MAST4: variants seen among roughly 807,000 people sequenced by gnomAD.
MAST4 encodes microtubule associated serine/threonine kinase family member 4.
Under a neutral mutation model 162.7 loss-of-function variants are expected in MAST4, and 89 were observed. The observed-to-expected ratio is 0.55, with a 90% confidence interval of 0.46 to 0.65. MAST4 has a LOEUF of 0.65. Among genes scored for constraint, MAST4 ranks in the 30% least tolerant of loss-of-function variants. The pLI, the probability that MAST4 is intolerant of heterozygous loss-of-function variation, is 0.00. For missense variants in MAST4, 3,153 were observed against 3,374.0 expected (o/e 0.93, Z 1.62); for synonymous variants, 1,479 against 1,361.1 (o/e 1.09, Z -1.91).
chr5:66,860,537 T>TA (rs564179227), intron 3 of MAST4, among the ~76,000 whole-genome samples: 19 of 152,100 alleles, frequency 1.2e-4, no homozygotes, highest in Non-Finnish European at 2.4e-4. Flanking sequence ...ACAGAAATCT[T>TA]ACAATGTTTC....
intron 4 of MAST4, chr5:66,917,113 C>T: frequency 1.4e-6 from 1 of 706,454 alleles, no homozygotes; most frequent in South Asian, 1.5e-5. Flanking sequence ...ACATTCTCAC[C>T]AGCACTGGAT....
At chr5:66,766,191 C>T (rs1355712978) in intron 2 of MAST4, among the ~76,000 whole-genome samples, 1 of 152,168 alleles carries the variant, frequency 6.6e-6, no homozygotes, top group Non-Finnish European at 1.5e-5. Flanking sequence ...AAATCCTTGT[C>T]CTGCATTCTA....
At chr5:66,947,255 T>C (rs1035601922) in intron 4 of MAST4, among the ~76,000 whole-genome samples, 1 of 152,148 alleles carries the variant, frequency 6.6e-6, no homozygotes, top group African/African-American at 2.4e-5. Flanking sequence ...ACTTTTATGG[T>C]CCCTGTAGGG....
chr5:66,873,475 ACCAGCTG>A (rs570951463), intron 3 of MAST4, among the ~76,000 whole-genome samples: 8 of 152,314 alleles, frequency 5.3e-5, no homozygotes, highest in African/African-American at 1.9e-4. Context: ...ATTACGGTAA[ACCAGCTG>A]CCAAATCTTT....
Position 67,144,531 on chromosome 5 carries a change from C to G in MAST4, c.2731-138C>G, listed in dbSNP as rs536099341. 1.1e-5 allele frequency: 9 copies of G among 838,236 alleles called. No homozygotes were observed. The South Asian group carries it at 1.4e-4, about 13-fold the overall frequency. 51.9% of individuals were successfully genotyped at this position (838,236 alleles called of 1,614,324 possible). On this transcript the variant is annotated intron_variant, in intron 21 of 28. Coordinates refer to ENST00000403625, the MANE Select transcript of MAST4 (RefSeq NM_001164664.2). ...CCTCTCTGGATTCTGGTTAACAACA[C>G]TGGAAAGTACTTTCTGAATACACAA...
At chr5:66,690,594 C>T (rs942212438) in intron 1 of MAST4, among the ~76,000 whole-genome samples, 15 of 152,268 alleles carry the variant, frequency 9.9e-5, no homozygotes, top group Non-Finnish European at 1.3e-4. Flanking sequence ...CCCTTGATTA[C>T]GGTCACTTCA....
chr5:66,615,900 G>A (rs1468957699), intron 1 of MAST4, among the ~76,000 whole-genome samples: 1 of 152,168 alleles, frequency 6.6e-6, no homozygotes, highest in East Asian at 1.9e-4. Context: ...CCATTTGCCT[G>A]CCCTCAGCAA....
intron 14 of MAST4, among the ~76,000 whole-genome samples, chr5:67,124,740 CT>C (rs1012126857): frequency 2.0e-5 from 3 of 152,142 alleles, no homozygotes; most frequent in Admixed American, 1.3e-4. Flanking sequence ...CAAGGATTAA[CT>C]GATTATTGTA....
At chr5:66,600,109 T>TATA (rs1212178992) in intron 1 of MAST4, among the ~76,000 whole-genome samples, 1 of 152,254 alleles carries the variant, frequency 6.6e-6, no homozygotes, top group African/African-American at 2.4e-5. Context: ...TCAATAATTG[T>TATA]ATAAACTTCC....
intron 4 of MAST4, among the ~76,000 whole-genome samples, chr5:66,904,946 A>G (rs931936770): frequency 6.6e-6 from 1 of 151,996 alleles, no homozygotes; most frequent in Non-Finnish European, 1.5e-5. Context: ...TAATAGACCT[A>G]GTAGACCCCG....
intron 4 of MAST4, among the ~76,000 whole-genome samples, chr5:66,913,691 G>A (rs1763919931): frequency 6.6e-6 from 1 of 152,150 alleles, no homozygotes; most frequent in Admixed American, 6.5e-5. Flanking sequence ...TTTTGGTATT[G>A]GAGCTAAGCC....
At chr5:66,749,158 A>C (rs1374276420) in intron 1 of MAST4, among the ~76,000 whole-genome samples, 2 of 152,028 alleles carry the variant, frequency 1.3e-5, no homozygotes, top group Non-Finnish European at 2.9e-5. Context: ...AGTGACATTT[A>C]TCAGTATCAC....
rs1193294524 is a variant in MAST4, at chr5:67,070,154, TG to T, written c.763+15665del. On this transcript the variant is annotated intron_variant, in intron 5 of 28. Transcript: ENST00000403625. Reference sequence around the variant, plus strand: ...TATGCCATTATTTCAGTAGGAAATGTGGGTTATCATTTCATTTGACAGTTTT... The same window carrying T: ...TATGCCATTATTTCAGTAGGAAATGTGGTTATCATTTCATTTGACAGTTTT... Among the ~76,000 whole-genome samples, 17 of 152,160 alleles carry T rather than the reference TG, an allele frequency of 1.1e-4. 2 individuals are homozygous for T. Among genetic ancestry groups the T allele is most frequent in the Non-Finnish European group, 2.4e-4 (16 of 68,024 alleles).
At chr5:67,155,716 C>A (rs1772402992) in intron 26 of MAST4, among the ~76,000 whole-genome samples, 2 of 152,102 alleles carry the variant, frequency 1.3e-5, no homozygotes, top group African/African-American at 4.8e-5. Flanking sequence ...ATCTGTCAAG[C>A]CGCTGATGTG....
intron 1 of MAST4, among the ~76,000 whole-genome samples, chr5:66,604,892 C>T (rs1742778785): frequency 6.6e-6 from 1 of 152,210 alleles, no homozygotes; most frequent in African/African-American, 2.4e-5. Flanking sequence ...GGAGGTTAAA[C>T]TATTAGGTCG....
chr5:66,731,642 A>T (rs1751865603), intron 1 of MAST4, among the ~76,000 whole-genome samples: 1 of 151,920 alleles, frequency 6.6e-6, no homozygotes, highest in Admixed American at 6.6e-5. Flanking sequence ...TCTGGCTTAT[A>T]GTCTTCTAGC....
chr5:66,754,958 G>A (rs557844583), intron 1 of MAST4, among the ~76,000 whole-genome samples: 1 of 152,276 alleles, frequency 6.6e-6, no homozygotes, highest in East Asian at 1.9e-4. Flanking sequence ...GAAGAGCCTG[G>A]GGCATCCAAG....
At chr5:66,943,683 A>C (rs1743625892) in intron 4 of MAST4, among the ~76,000 whole-genome samples, 1 of 152,036 alleles carries the variant, frequency 6.6e-6, no homozygotes, top group African/African-American at 2.4e-5. Context: ...TATTTGAATA[A>C]TTTTATTATC....
chr5:67,115,687 A>G (rs1766808979), intron 12 of MAST4, among the ~76,000 whole-genome samples: 1 of 152,238 alleles, frequency 6.6e-6, no homozygotes, highest in Admixed American at 6.5e-5. Flanking sequence ...AAAAGGGCAG[A>G]TGTTTAATGG....
Sources: gnomAD v4.1 joint callset for allele counts (sites outside exome capture counted in the v4.1 genomes callset) on GRCh38, gnomAD v4.1.1 for gene constraint, MANE v1.5 for transcripts, NCBI Gene and HGNC (gene_info 2026-07-23, HGNC 2026-07-21) for gene names.